Variants in SYT16 observed in about 807,000 individuals in gnomAD.
The protein encoded by SYT16 is synaptotagmin-16.
A neutral mutation model predicts 61.4 loss-of-function variants in SYT16; 42 were observed. The observed-to-expected ratio is 0.68, with a 90% CI of 0.53 to 0.89. The LOEUF is 0.89. Ranked by LOEUF, SYT16 falls within the 40% of genes least tolerant of loss-of-function variation. The probability of loss-of-function intolerance (pLI) is 0.00; values close to 1 mark genes in which losing one functional copy is unlikely to be tolerated. For synonymous variants in SYT16, 314 were observed against 302.3 expected (o/e 1.04, Z -0.40); for missense variants, 804 against 807.3 (o/e 1.00, Z 0.05).
At chr14:61,910,622 C>T (rs2048897987) in intron 1 of SYT16, among the ~76,000 whole-genome samples, 1 of 151,266 alleles carries the variant, frequency 6.6e-6, no homozygotes, top group African/African-American at 2.4e-5. Context: ...CCTCTGCCTC[C>T]CGGATTCAAA....
At chr14:62,023,150 T>G (rs989274499) in intron 3 of SYT16, among the ~76,000 whole-genome samples, 1 of 152,080 alleles carries the variant, frequency 6.6e-6, no homozygotes, top group Non-Finnish European at 1.5e-5. Context: ...TGTCCATGAT[T>G]TTTTCTTCTT....
At chr14:61,934,629 C>A (rs186672224) in intron 1 of SYT16, among the ~76,000 whole-genome samples, 1 of 152,164 alleles carries the variant, frequency 6.6e-6, no homozygotes, top group African/African-American at 2.4e-5. Context: ...GACCCAAAAG[C>A]GTTGGATGCA....
intron 1 of SYT16, among the ~76,000 whole-genome samples, chr14:61,907,501 C>T (rs1452546128): frequency 6.6e-6 from 1 of 152,170 alleles, no homozygotes; most frequent in Admixed American, 6.5e-5. Context: ...CTGTCTGAGG[C>T]TGCAGTTAGA....
chr14:61,826,682 C>T (rs1408655675), intron 1 of SYT16, among the ~76,000 whole-genome samples: 2 of 151,894 alleles, frequency 1.3e-5, no homozygotes. Context: ...TTTTATTTCT[C>T]CAGAGATTAA....
intron 1 of SYT16, among the ~76,000 whole-genome samples, chr14:61,907,323 T>A (rs1175043402): frequency 6.6e-6 from 1 of 152,258 alleles, no homozygotes; most frequent in Non-Finnish European, 1.5e-5. Flanking sequence ...TGAGTGATTA[T>A]TACCAATGAA....
intron 3 of SYT16, among the ~76,000 whole-genome samples, chr14:61,997,303 G>C (rs1260924750): frequency 6.6e-6 from 1 of 152,022 alleles, no homozygotes; most frequent in East Asian, 1.9e-4. Flanking sequence ...GAAGGGATTT[G>C]GGTATGTGTG....
chr14:62,088,704 A>G lies in SYT16; in HGVS notation c.1624+4319A>G, dbSNP rs1331705358. On this transcript the variant is annotated intron_variant, in intron 7 of 7. Coordinates refer to ENST00000683842, the MANE Select transcript of SYT16 (RefSeq NM_001367656.1). ...TTAGCATTGAAGAGCAACAATGGCT[A>G]CAATTAAAATGGATTAATGGATGAA... 3.9e-5 allele frequency among the ~76,000 whole-genome samples: 6 copies of G among 152,362 alleles called. No homozygotes were observed. In the South Asian group the frequency reaches 6.2e-4, roughly 16 times the overall value.
intron 3 of SYT16, among the ~76,000 whole-genome samples, chr14:62,045,383 T>C (rs1350543438): frequency 6.6e-6 from 1 of 152,138 alleles, no homozygotes; most frequent in Non-Finnish European, 1.5e-5. Context: ...TTAAGTCTTT[T>C]GGAATTTTTT....
intron 1 of SYT16, among the ~76,000 whole-genome samples, chr14:61,849,235 G>T (rs1034441104): frequency 5.3e-5 from 8 of 152,140 alleles, no homozygotes; most frequent in African/African-American, 1.9e-4. Flanking sequence ...TGAGGCAGAA[G>T]GAAGGAGTCT....
chr14:62,044,157 A>G (rs1485989592), intron 3 of SYT16, among the ~76,000 whole-genome samples: 1 of 151,790 alleles, frequency 6.6e-6, no homozygotes, highest in African/African-American at 2.4e-5. Context: ...CTATGATTGT[A>G]CCACTGCACT....
chr14:61,818,869 A>T (rs1169399725), intron 1 of SYT16, among the ~76,000 whole-genome samples: 1 of 152,158 alleles, frequency 6.6e-6, no homozygotes, highest in African/African-American at 2.4e-5. Flanking sequence ...TTTGTTTGCT[A>T]AACTGCTCCT....
chr14:61,823,574 CAAAAAAAA>C (rs55935256), intron 1 of SYT16, among the ~76,000 whole-genome samples: 2 of 71,046 alleles, frequency 2.8e-5, no homozygotes, highest in Non-Finnish European at 2.6e-5. Context: ...ACTAAAAATA[CAAAAAAAA>C]AAAAAAAAAA....
At chr14:62,056,924 G>T (rs987856561) in intron 3 of SYT16, among the ~76,000 whole-genome samples, 3 of 152,200 alleles carry the variant, frequency 2.0e-5, no homozygotes, top group African/African-American at 7.2e-5. Context: ...CAGCGAGCAG[G>T]GGGCACGGGA....
At chr14:62,049,258 G>T (rs1447697382) in intron 3 of SYT16, among the ~76,000 whole-genome samples, 1 of 152,060 alleles carries the variant, frequency 6.6e-6, no homozygotes, top group Non-Finnish European at 1.5e-5. Context: ...TTTGATCTTT[G>T]TTGGTTTAAA....
In SYT16 at chr14:61,853,597, C is replaced by T. The variant is rs994359429; in HGVS notation, c.-325+40787C>T. Among the ~76,000 whole-genome samples the T allele has an allele frequency of 6.6e-5, 10 of 152,344 alleles. No homozygotes were observed. In the East Asian group the frequency reaches 9.6e-4, roughly 15 times the overall value. On this transcript the variant is annotated intron_variant, in intron 1 of 7. Coordinates refer to ENST00000683842, the MANE Select transcript of SYT16 (RefSeq NM_001367656.1). ...ATCTATGAATCAGGAAACAGAACTT[C>T]ACCAGATACCAGATCTGCTGGCACT... is the stretch of plus-strand genomic sequence containing the variant.
At chr14:61,894,184 C>G (rs916633813) in intron 1 of SYT16, among the ~76,000 whole-genome samples, 1 of 151,868 alleles carries the variant, frequency 6.6e-6, no homozygotes, top group Admixed American at 6.6e-5. Context: ...ACTCAGGAGG[C>G]CATGGAAGGA....
At chr14:61,829,082 T>C in intron 1 of SYT16, among the ~76,000 whole-genome samples, 1 of 152,332 alleles carries the variant, frequency 6.6e-6, no homozygotes, top group East Asian at 1.9e-4. Context: ...CAAAATAAAG[T>C]TTGCTAAAAC....
At position 61,812,864 on chromosome 14, in the gene SYT16, G is replaced by C. The variant is rs190136608; in HGVS notation, c.-325+54G>C. 4.7e-3 allele frequency: 713 copies of C among 152,486 alleles called. 7 individuals are homozygous for C. The highest frequency in any genetic ancestry group is 0.031 in the Middle Eastern group (9 of 292). 9.4% of individuals were successfully genotyped at this position (152,486 alleles called of 1,614,324 possible). A position where few individuals can be genotyped will look rare whatever the true frequency, so the allele number is the denominator to read the frequency against. On this transcript the variant is annotated intron_variant, in intron 1 of 7. Coordinates refer to ENST00000683842, the MANE Select transcript of SYT16 (RefSeq NM_001367656.1). ...GGGTGGGGGGAGGCCGCGGTGCCCA[G>C]GGTGGGAAGTTCGATTTCAGACGCT...
At position 61,969,066 on chromosome 14, in the gene SYT16, CTATT is replaced by C. The variant is rs538713940; in HGVS notation, c.-324-1062_-324-1059del. Among the ~76,000 whole-genome samples, 53 of 152,206 alleles carry C rather than the reference CTATT, an allele frequency of 3.5e-4. 1 individual carries two copies. The highest frequency in any genetic ancestry group is 8.7e-4 in the African/African-American group (36 of 41,532). On this transcript the variant is annotated intron_variant, in intron 1 of 7. Coordinates refer to ENST00000683842, the MANE Select transcript of SYT16 (RefSeq NM_001367656.1). ...GAGATTGGTTTGATTAATCTTTTCT[CTATT>C]TATCTGGATAGTAAGGTTAGGTGAG...
Sources: gnomAD v4.1 joint callset for allele counts (sites outside exome capture counted in the v4.1 genomes callset) on GRCh38, gnomAD v4.1.1 for gene constraint, MANE v1.5 for transcripts, NCBI Gene and HGNC (gene_info 2026-07-23, HGNC 2026-07-21) for gene names.